Variants in GALC observed in about 807,000 individuals in gnomAD.
The protein encoded by GALC is galactosylceramidase.
Under a neutral mutation model 91.8 loss-of-function variants are expected in GALC, and 77 were observed. The observed-to-expected ratio is 0.84, with a 90% CI of 0.70 to 1.01. GALC has a LOEUF of 1.01. GALC is among the 50% of genes least tolerant of loss of function. GALC has a pLI of 0.00. For synonymous variants in GALC, 357 were observed against 306.7 expected (o/e 1.16, Z -1.71); for missense variants, 882 against 855.9 (o/e 1.03, Z -0.38).
chr14:87,945,466 A>C, intron 14 of GALC, 87 bp downstream of exon 14: 1 of 953,006 alleles, frequency 1.0e-6, no homozygotes, highest in Non-Finnish European at 1.7e-6. Context: ...AAATAGGAGG[A>C]CCATTGAAAA....
intron 10 of GALC, chr14:87,953,010 G>C: frequency 1.8e-6 from 2 of 1,106,762 alleles, no homozygotes; most frequent in Non-Finnish European, 2.8e-6. Flanking sequence ...CAAATGTGCA[G>C]CTATGTTGGA....
intron 7 of GALC, among the ~76,000 whole-genome samples, chr14:87,976,016 A>G (rs1886478830): frequency 6.6e-6 from 1 of 152,172 alleles, no homozygotes; most frequent in Non-Finnish European, 1.5e-5. Context: ...ACCACAGAAT[A>G]TCTGAGAGTT....
intron 16 of GALC, among the ~76,000 whole-genome samples, chr14:87,938,634 C>T (rs1001759344): frequency 6.6e-6 from 1 of 151,994 alleles, no homozygotes; most frequent in African/African-American, 2.4e-5. Flanking sequence ...CTTCCCCTTA[C>T]AATTCACAAG....
At chr14:87,942,713 C>T (rs1291050254) in intron 14 of GALC, among the ~76,000 whole-genome samples, 1 of 151,948 alleles carries the variant, frequency 6.6e-6, no homozygotes, top group Non-Finnish European at 1.5e-5. Flanking sequence ...GAATTTTGCA[C>T]AGTGAAATTT....
At chr14:87,988,309 C>G (rs1354727741) in intron 2 of GALC, 102 bp from the exon 3 acceptor site, 1 of 1,300,962 alleles carries the variant, frequency 7.7e-7, no homozygotes, top group Non-Finnish European at 1.1e-6. Context: ...AAAACAAAAG[C>G]AAAACTTCAA....
At chr14:87,939,065 A>T (rs1884714059) in intron 16 of GALC, among the ~76,000 whole-genome samples, 1 of 151,936 alleles carries the variant, frequency 6.6e-6, no homozygotes, top group African/African-American at 2.4e-5. Flanking sequence ...TACAAATCAT[A>T]TCTATGAGTT....
Position 87,993,008 on chromosome 14 carries a change from G to T in GALC, c.157C>A (p.Arg53=), listed in dbSNP as rs752371343. The change falls in exon 1 of 17, where the codon CGG becomes AGG. Residue 53 remains arginine, a synonymous_variant. Coordinates refer to ENST00000261304, the MANE Select transcript of GALC (RefSeq NM_000153.4). ...ACCGCGCCGATGCCGTCGAACTCCCGGCCCAGCCCGTCGGAGTCGTCGAGC... is the reference window on the plus strand; with the variant it reads ...ACCGCGCCGATGCCGTCGAACTCCCTGCCCAGCCCGTCGGAGTCGTCGAGC... ...YVLDDSDGLG[R]EFDGIGAVSG... 6.5e-7 allele frequency: 1 copy of T among 1,540,884 alleles called. No individual in the cohort carries two copies. The highest frequency in any genetic ancestry group is 8.7e-7 in the Non-Finnish European group (1 of 1,151,112).
chr14:87,935,942 A>G (rs1045281893), intron 16 of GALC, among the ~76,000 whole-genome samples: 40 of 152,170 alleles, frequency 2.6e-4, no homozygotes, highest in South Asian at 8.3e-4. Flanking sequence ...AGCTATCTTC[A>G]GCTCTAGAAG....
At chr14:87,946,878 C>T (rs1885094791) in intron 13 of GALC, among the ~76,000 whole-genome samples, 1 of 151,856 alleles carries the variant, frequency 6.6e-6, no homozygotes, top group Non-Finnish European at 1.5e-5. Flanking sequence ...GCCTTATACT[C>T]CAGCCAACTA....
At position 87,993,021 on chromosome 14, in the gene GALC, G is replaced by A. The variant is rs764548631; in HGVS notation, c.144C>T (p.Ser48=). 11 of 1,547,474 alleles carry A rather than the reference G, an allele frequency of 7.1e-6. No individual in the cohort carries two copies. The South Asian group carries it at 1.2e-4, about 17-fold the overall frequency. Residue 48 remains serine, a synonymous_variant, in exon 1 of 17, where the codon TCC becomes TCT. Transcript: ENST00000261304. ...APGGAYVLDD[S]DGLGREFDGI... ...CGTCGAACTCCCGGCCCAGCCCGTCGGAGTCGTCGAGCACGTACGCGCCGC... is the reference window on the plus strand; with the variant it reads ...CGTCGAACTCCCGGCCCAGCCCGTCAGAGTCGTCGAGCACGTACGCGCCGC...
chr14:87,948,950 C>T (rs996420990), intron 12 of GALC, among the ~76,000 whole-genome samples: 1 of 151,990 alleles, frequency 6.6e-6, no homozygotes, highest in Non-Finnish European at 1.5e-5. Context: ...TGAAACCTTT[C>T]CCCAGAAAGC....
At position 87,954,386 on chromosome 14, in the gene GALC, C is replaced by T. The variant is rs1278971320; in HGVS notation, c.1162-3638G>A. On this transcript the variant is annotated intron_variant, in intron 10 of 16. Transcript: ENST00000261304. ...AACAGTGGAACAGGCCCAAGATCAA[C>T]ATTATGTGCTTGTATTATGGAGTCC... 8 of 1,600,594 alleles carry T rather than the reference C, an allele frequency of 5.0e-6. No individual in the cohort carries two copies. The South Asian group carries it at 5.5e-5, about 11-fold the overall frequency.
chr14:87,960,108 G>A (rs954858206), intron 10 of GALC, among the ~76,000 whole-genome samples: 3 of 151,858 alleles, frequency 2.0e-5, no homozygotes, highest in Non-Finnish European at 2.9e-5. Context: ...GCAGAAAGTA[G>A]AACAGTGGTT....
chr14:87,954,990 C>T (rs1236064111), intron 10 of GALC: 1 of 1,403,964 alleles, frequency 7.1e-7, no homozygotes, highest in Admixed American at 1.7e-5. Context: ...CAGACTGCCT[C>T]AACAGAGTGA....
At chr14:87,984,577 G>C in intron 4 of GALC, 44 bp from the exon 5 acceptor site, 1 of 1,610,648 alleles carries the variant, frequency 6.2e-7, no homozygotes, top group Non-Finnish European at 8.5e-7. Context: ...AGGTATAACG[G>C]TGCTGGCGCT....
intron 7 of GALC, 133 bp downstream of exon 7, chr14:87,976,225 G>A: frequency 1.2e-6 from 1 of 868,532 alleles, no homozygotes; most frequent in African/African-American, 1.7e-5. Context: ...AGCCATGCAT[G>A]CTTCAGGTAA....
chr14:87,937,770 C>T (rs1484181852), intron 16 of GALC, among the ~76,000 whole-genome samples: 1 of 151,680 alleles, frequency 6.6e-6, no homozygotes, highest in Non-Finnish European at 1.5e-5. Context: ...TTTAAAATCT[C>T]ATTCATGATT....
intron 6 of GALC, among the ~76,000 whole-genome samples, chr14:87,977,902 AAACTGGATCAGTTG>A (rs1886570691): frequency 1.3e-5 from 2 of 152,174 alleles, no homozygotes; most frequent in Non-Finnish European, 2.9e-5. Flanking sequence ...TTCATCTTTC[AAACTGGATCAGTTG>A]AGTTCTAGGA....
rs1887307627 is a variant in GALC, at chr14:87,993,168, G to A, written c.-4C>T. ...CCGAGAGTAGCCACTCAGCCATTGT[G>A]TGGGTCACATGACTCCGGCGCCCAG... On this transcript the variant is annotated 5_prime_UTR_variant, in exon 1 of 17. Coordinates refer to ENST00000261304, the MANE Select transcript of GALC (RefSeq NM_000153.4). 6.3e-7 allele frequency: 1 copy of A among 1,589,044 alleles called. No individual in the cohort carries two copies. The highest frequency in any genetic ancestry group is 8.6e-7 in the Non-Finnish European group (1 of 1,167,948).
Sources: gnomAD v4.1 joint callset for allele counts (sites outside exome capture counted in the v4.1 genomes callset) on GRCh38, gnomAD v4.1.1 for gene constraint, MANE v1.5 for transcripts, NCBI Gene and HGNC (gene_info 2026-07-23, HGNC 2026-07-21) for gene names.